Variants in TBL1XR1 observed in about 807,000 individuals in gnomAD.
TBL1XR1 encodes the protein TBL1X/Y related 1, also known as F-box-like/WD repeat-containing protein TBL1XR1.
TBL1XR1 carries 5 observed loss-of-function variants against 66.9 expected under a neutral mutation model. The ratio of observed to expected loss-of-function variants is 0.07; its 90% CI spans 0.04 to 0.16. TBL1XR1 has a LOEUF of 0.16. Among genes scored for constraint, TBL1XR1 ranks in the 10% least tolerant of loss-of-function variants. The pLI is 1.00. For missense variants in TBL1XR1, 238 were observed against 623.2 expected, an observed-to-expected ratio of 0.38 and a Z score of 6.58; for synonymous variants, 210 against 206.0, an observed-to-expected ratio of 1.02 and a Z score of -0.17.
chr3:177,047,235 C>A (rs1251486152), intron 9 of TBL1XR1, 65 bp downstream of exon 9: 3 of 1,375,730 alleles, frequency 2.2e-6, no homozygotes, highest in Admixed American at 2.5e-5. Context: ...GCAGCTAAGA[C>A]AAAATACTGC....
At position 177,026,580 on chromosome 3, in the gene TBL1XR1, G is replaced by C. The variant is rs894888098; in HGVS notation, c.1417-106C>G. On this transcript the variant is annotated intron_variant, in intron 14 of 15. Coordinates refer to ENST00000457928, the MANE Select transcript of TBL1XR1 (RefSeq NM_024665.7). ...AGCTTTATTTCTAGCAATCAGAGGA[G>C]GGACTTAGCTTCAACTATAAAAATA... The C allele has an allele frequency of 9.2e-6, 7 of 762,024 alleles. No individual in the cohort carries two copies. The Admixed American group carries it at 2.6e-4, about 28-fold the overall frequency. The allele number at this position is 762,024 out of a possible 1,614,324, so 47.2% of individuals were successfully genotyped here.
intron 14 of TBL1XR1, chr3:177,027,378 A>C (rs1713292654): frequency 6.6e-6 from 1 of 152,260 alleles, no homozygotes; most frequent in South Asian, 2.1e-4. Context: ...GTAATCATTC[A>C]TTAAGCTGAA....
At chr3:177,080,677 C>A (rs991707115) in intron 2 of TBL1XR1, among the ~76,000 whole-genome samples, 5 of 151,964 alleles carry the variant, frequency 3.3e-5, no homozygotes, top group Admixed American at 1.3e-4. Flanking sequence ...AAGAGTGTCT[C>A]CATGTTTAAG....
Position 177,053,926 on chromosome 3 carries a change from CAAAAG to C in TBL1XR1, c.59-13_59-9del, listed in dbSNP as rs759688772. The C allele has an allele frequency of 1.3e-6, 2 of 1,596,428 alleles. No homozygotes were observed. The highest frequency in any genetic ancestry group is 1.7e-6 in the Non-Finnish European group (2 of 1,173,800). On this transcript the variant is annotated splice_polypyrimidine_tract_variant and intron_variant, in intron 3 of 15. Transcript: ENST00000457928. ...ATGCTGAATGAGAAAATCCTAAAAACAAAAGAAAAGGCATGAGAATTTATTTTCCT... is the reference window on the plus strand; with the variant it reads ...ATGCTGAATGAGAAAATCCTAAAAACAAAAGGCATGAGAATTTATTTTCCT...
intron 3 of TBL1XR1, among the ~76,000 whole-genome samples, chr3:177,054,335 A>C (rs1717535012): frequency 6.6e-6 from 1 of 152,154 alleles, no homozygotes; most frequent in Admixed American, 6.5e-5. Context: ...TTATATTTTA[A>C]TATTTTTTAC....
chr3:177,131,920 A>C (rs1222237839), intron 1 of TBL1XR1, among the ~76,000 whole-genome samples: 2 of 151,918 alleles, frequency 1.3e-5, no homozygotes, highest in African/African-American at 4.8e-5. Flanking sequence ...AAAAAAAAAA[A>C]AAAAGGAAAC....
intron 2 of TBL1XR1, among the ~76,000 whole-genome samples, chr3:177,083,771 TTTTG>T (rs899629825): frequency 2.0e-5 from 3 of 152,090 alleles, no homozygotes; most frequent in African/African-American, 2.4e-5. Flanking sequence ...AATGGTTTTT[TTTTG>T]TTTTTGTTTT....
intron 1 of TBL1XR1, among the ~76,000 whole-genome samples, chr3:177,125,082 GA>G (rs771222024): frequency 1.6e-4 from 25 of 151,684 alleles, no homozygotes; most frequent in Non-Finnish European, 3.2e-4. Flanking sequence ...TGAGATCATA[GA>G]AATGTAAAAC....
intron 1 of TBL1XR1, among the ~76,000 whole-genome samples, chr3:177,188,985 A>C (rs1735780485): frequency 6.6e-6 from 1 of 152,044 alleles, no homozygotes. Flanking sequence ...AGGCGGGTGG[A>C]TCACGAGGTC....
chr3:177,189,696 A>ATAGTCAAT lies in TBL1XR1; in HGVS notation c.-122+7417_-122+7424dup, dbSNP rs113517600. Reference sequence around the variant, plus strand: ...ATGTAACACCAAATTAGTTGCCTTTATAGTCAATTACCCTGGTTGGCTGGA... The same window carrying ATAGTCAAT: ...ATGTAACACCAAATTAGTTGCCTTTATAGTCAATTAGTCAATTACCCTGGTTGGCTGGA... On this transcript the variant is annotated intron_variant, in intron 1 of 15. Transcript: ENST00000457928. Among the ~76,000 whole-genome samples, 6,945 of 150,978 alleles carry ATAGTCAAT rather than the reference A, an allele frequency of 0.046. 757 individuals are homozygous for ATAGTCAAT. In the East Asian group the frequency reaches 0.49, roughly 11 times the overall value.
intron 1 of TBL1XR1, among the ~76,000 whole-genome samples, chr3:177,175,669 A>C (rs1339273016): frequency 6.6e-6 from 1 of 152,206 alleles, no homozygotes; most frequent in Non-Finnish European, 1.5e-5. Context: ...GGATGAAGCA[A>C]CTGAAATCCA....
intron 1 of TBL1XR1, among the ~76,000 whole-genome samples, chr3:177,123,266 A>G (rs535637706): frequency 6.6e-6 from 1 of 151,914 alleles, no homozygotes; most frequent in Admixed American, 6.6e-5. Context: ...ATCATAAAGT[A>G]CATACATTAA....
intron 2 of TBL1XR1, among the ~76,000 whole-genome samples, chr3:177,087,960 C>A (rs1445686923): frequency 6.6e-6 from 1 of 152,006 alleles, no homozygotes; most frequent in Non-Finnish European, 1.5e-5. Context: ...TGATAGGACA[C>A]CTTTTGTTTT....
chr3:177,132,991 T>C (rs902688407), intron 1 of TBL1XR1, among the ~76,000 whole-genome samples: 2 of 152,134 alleles, frequency 1.3e-5, no homozygotes, highest in Admixed American at 1.3e-4. Flanking sequence ...ATTTCACTAC[T>C]TAAAATAAAT....
At chr3:177,194,220 C>T (rs1736536834) in intron 1 of TBL1XR1, 1 of 152,226 alleles carries the variant, frequency 6.6e-6, no homozygotes, top group African/African-American at 2.4e-5. Context: ...CTTTACTACA[C>T]AGCTCTAGGG....
At chr3:177,116,576 G>C (rs749401301) in intron 1 of TBL1XR1, among the ~76,000 whole-genome samples, 3 of 152,068 alleles carry the variant, frequency 2.0e-5, no homozygotes, top group Non-Finnish European at 2.9e-5. Context: ...TATGTATCTT[G>C]AAAGATGCCT....
At chr3:177,051,260 T>G (rs918817409) in intron 5 of TBL1XR1, among the ~76,000 whole-genome samples, 1 of 151,864 alleles carries the variant, frequency 6.6e-6, no homozygotes, top group Non-Finnish European at 1.5e-5. Context: ...TGAGAAAAAA[T>G]TTTTAAAAAT....
chr3:177,037,125 A>G (rs997663812), intron 12 of TBL1XR1, among the ~76,000 whole-genome samples: 1 of 152,228 alleles, frequency 6.6e-6, no homozygotes, highest in African/African-American at 2.4e-5. Context: ...TCTGCTATGT[A>G]TCAGTTTCCC....
chr3:177,036,893 A>G (rs1336991954), intron 12 of TBL1XR1, among the ~76,000 whole-genome samples: 3 of 152,244 alleles, frequency 2.0e-5, no homozygotes, highest in Non-Finnish European at 4.4e-5. Flanking sequence ...TGTTTTCAGT[A>G]GAGGGTTAGC....
Sources: gnomAD v4.1 joint callset for allele counts (sites outside exome capture counted in the v4.1 genomes callset) on GRCh38, gnomAD v4.1.1 for gene constraint, MANE v1.5 for transcripts, NCBI Gene and HGNC (gene_info 2026-07-23, HGNC 2026-07-21) for gene names.